SOX5: variants seen among roughly 807,000 people sequenced by gnomAD.
SOX5 encodes SRY-box transcription factor 5.
In SOX5, 9 loss-of-function variants were observed where a neutral mutation model predicts 92.0. The ratio of observed to expected loss-of-function variants is 0.10; its 90% CI spans 0.06 to 0.17. The LOEUF (loss-of-function observed/expected upper bound fraction) is 0.17, where lower values mean the gene tolerates loss of function less well. Among genes scored for constraint, SOX5 ranks in the 10% least tolerant of loss-of-function variants. The probability of loss-of-function intolerance (pLI) is 1.00; values close to 1 mark genes in which losing one functional copy is unlikely to be tolerated. For synonymous variants in SOX5, 344 were observed against 336.3 expected, an observed-to-expected ratio of 1.02 and a Z score of -0.25; for missense variants, 642 against 944.5, an observed-to-expected ratio of 0.68 and a Z score of 4.20.
chr12:23,531,124 T>C lies in SOX5; in HGVS notation c.*3095A>G, dbSNP rs576358038. 6.6e-6 allele frequency: 1 copy of C among 152,290 alleles called. No homozygotes were observed. Among genetic ancestry groups the C allele is most frequent in the Non-Finnish European group, 1.5e-5 (1 of 68,036 alleles). 9.4% of individuals were successfully genotyped at this position (152,290 alleles called of 1,614,324 possible). On this transcript the variant is annotated 3_prime_UTR_variant, in exon 15 of 15. Coordinates refer to ENST00000451604, the MANE Select transcript of SOX5 (RefSeq NM_006940.6). Reference sequence around the variant, plus strand: ...AAAGCACTTTCAACATTAATATAACTATTTTTGCTTTTGTTTTCTTTTGGG... The same window carrying C: ...AAAGCACTTTCAACATTAATATAACCATTTTTGCTTTTGTTTTCTTTTGGG...
intron 1 of SOX5, among the ~76,000 whole-genome samples, chr12:24,485,786 C>A (rs181157946): frequency 1.8e-3 from 276 of 152,258 alleles, no homozygotes; most frequent in African/African-American, 6.4e-3. Context: ...CTTTTTCCAT[C>A]TGACAAAAAC....
intron 1 of SOX5, among the ~76,000 whole-genome samples, chr12:24,533,662 C>T (rs1386610935): frequency 6.6e-6 from 1 of 152,106 alleles, no homozygotes; most frequent in African/African-American, 2.4e-5. Flanking sequence ...TGTTATTGCA[C>T]ATATGCAATA....
chr12:24,316,410 T>A (rs1252649889), intron 2 of SOX5, among the ~76,000 whole-genome samples: 1 of 152,222 alleles, frequency 6.6e-6, no homozygotes, highest in Non-Finnish European at 1.5e-5. Flanking sequence ...AGACTTGATA[T>A]TGGCACAAGT....
At chr12:23,762,405 C>A (rs1021107744) in intron 3 of SOX5, 2 of 378,198 alleles carry the variant, frequency 5.3e-6, no homozygotes, top group Admixed American at 4.6e-5. Context: ...CAAGATTCCC[C>A]CCTCTAAAAA....
At chr12:23,547,045 T>C (rs1943271687) in intron 11 of SOX5, among the ~76,000 whole-genome samples, 2 of 152,162 alleles carry the variant, frequency 1.3e-5, no homozygotes, top group Admixed American at 1.3e-4. Flanking sequence ...TGGCGAATTA[T>C]TTGAGATACA....
At chr12:23,886,491 C>T (rs2097067419) in intron 2 of SOX5, among the ~76,000 whole-genome samples, 1 of 151,968 alleles carries the variant, frequency 6.6e-6, no homozygotes, top group African/African-American at 2.4e-5. Flanking sequence ...TTACAGATTT[C>T]ATTCTAGTTT....
intron 4 of SOX5, among the ~76,000 whole-genome samples, chr12:24,175,735 G>A (rs189901868): frequency 1.3e-5 from 2 of 152,300 alleles, no homozygotes; most frequent in East Asian, 1.9e-4. Flanking sequence ...GAGCCAACAC[G>A]AGAGGGGCCA....
At chr12:23,912,919 G>A (rs2097367443) in intron 1 of SOX5, among the ~76,000 whole-genome samples, 1 of 152,040 alleles carries the variant, frequency 6.6e-6, no homozygotes, top group Admixed American at 6.6e-5. Flanking sequence ...ATTAGATTGT[G>A]GTGATGACTG....
intron 4 of SOX5, among the ~76,000 whole-genome samples, chr12:24,075,556 C>G (rs1037677119): frequency 6.6e-6 from 1 of 152,018 alleles, no homozygotes; most frequent in Admixed American, 6.6e-5. Flanking sequence ...GAGCCATAAT[C>G]CAAAGCTGCC....
rs542091333 is a variant in SOX5 at position 24,430,642 on chromosome 12, AT to A, written c.-250-62004del. Among the ~76,000 whole-genome samples the A allele has an allele frequency of 3.7e-3, 565 of 151,282 alleles. 3 individuals carry two copies. The highest frequency in any genetic ancestry group is 0.013 in the African/African-American group (527 of 41,292). On this transcript the variant is annotated intron_variant, in intron 1 of 4. Coordinates refer to the SOX5 transcript ENST00000446891. ...CTGGGAATTAGGAGATCATTTTCTA[AT>A]TTTTTTTTCATTGTTGATGTATAAG...
intron 6 of SOX5, among the ~76,000 whole-genome samples, chr12:23,709,933 G>T (rs1306785752): frequency 6.6e-6 from 1 of 152,106 alleles, no homozygotes; most frequent in Non-Finnish European, 1.5e-5. Context: ...TGGAACTTCT[G>T]CCCAGTCCAA....
intron 5 of SOX5, among the ~76,000 whole-genome samples, chr12:23,736,912 T>C (rs1026755775): frequency 1.3e-5 from 2 of 151,928 alleles, no homozygotes; most frequent in African/African-American, 4.8e-5. Flanking sequence ...AGGCTGGTCT[T>C]GAACTCCTGA....
chr12:23,852,308 A>C (rs1454084500), intron 2 of SOX5, among the ~76,000 whole-genome samples: 1 of 151,916 alleles, frequency 6.6e-6, no homozygotes, highest in Non-Finnish European at 1.5e-5. Context: ...GACATAGCAC[A>C]CTCTCGGGGC....
chr12:23,835,732 A>T (rs2096404087), intron 3 of SOX5, among the ~76,000 whole-genome samples: 1 of 151,884 alleles, frequency 6.6e-6, no homozygotes, highest in Non-Finnish European at 1.5e-5. Context: ...TGAAATGATA[A>T]TAGTAAATGA....
chr12:23,765,385 C>CAAAAAAAAAAAAAAAAAA lies in SOX5; in HGVS notation c.482-9679_482-9662dup, dbSNP rs373571301. On this transcript the variant is annotated intron_variant, in intron 3 of 14. Transcript: ENST00000451604. The stretch of plus-strand genomic sequence containing the variant: ...CTGTGAAGTCAAAAGTGTAAAACAG[C>CAAAAAAAAAAAAAAAAAA]AAAAAAAAAAAAAAAAAAAAAAAAA... Among the ~76,000 whole-genome samples, 2 of 31,430 alleles carry CAAAAAAAAAAAAAAAAAA rather than the reference C, an allele frequency of 6.4e-5. 1 individual carries two copies. The highest frequency in any genetic ancestry group is 2.9e-4 in the African/African-American group (2 of 6,804). The allele number at this position is 31,430 out of a possible 152,430, so 20.6% of individuals were successfully genotyped here. A position where few individuals can be genotyped will look rare whatever the true frequency, so the allele number is the denominator to read the frequency against.
intron 1 of SOX5, among the ~76,000 whole-genome samples, chr12:24,537,792 A>G (rs912817687): frequency 6.6e-6 from 1 of 152,150 alleles, no homozygotes; most frequent in African/African-American, 2.4e-5. Context: ...TCTGCAGACT[A>G]TTTGTCCACA....
At chr12:23,744,079 A>T (rs1567407192) in intron 4 of SOX5, among the ~76,000 whole-genome samples, 1 of 152,150 alleles carries the variant, frequency 6.6e-6, no homozygotes, top group Non-Finnish European at 1.5e-5. Flanking sequence ...GCATTCTCAC[A>T]TGACTTCCTA....
intron 4 of SOX5, among the ~76,000 whole-genome samples, chr12:24,095,122 C>CGG (rs1945185314): frequency 3.2e-5 from 3 of 93,992 alleles, no homozygotes; most frequent in Non-Finnish European, 4.7e-5. Flanking sequence ...CACACACACA[C>CGG]ACACACAGAG....
chr12:24,057,669 C>T (rs909914939), intron 4 of SOX5, among the ~76,000 whole-genome samples: 11 of 152,090 alleles, frequency 7.2e-5, no homozygotes, highest in Non-Finnish European at 1.6e-4. Context: ...ATACTGTCAA[C>T]AAAATTAACT....
Sources: gnomAD v4.1 joint callset for allele counts (sites outside exome capture counted in the v4.1 genomes callset) on GRCh38, gnomAD v4.1.1 for gene constraint, MANE v1.5 for transcripts, NCBI Gene and HGNC (gene_info 2026-07-23, HGNC 2026-07-21) for gene names.